The following ACOX3 variants were observed in gnomAD, a reference collection of about 807,000 sequenced individuals.
ACOX3 encodes the protein acyl-CoA oxidase 3, pristanoyl.
In ACOX3, 73 loss-of-function variants were observed where a neutral mutation model predicts 81.5. That is an observed-to-expected ratio of 0.90 (90% CI 0.74 to 1.09). ACOX3 has a LOEUF of 1.09. Among genes scored for constraint, ACOX3 ranks in the 50% least tolerant of loss-of-function variants. The pLI, the probability that ACOX3 is intolerant of heterozygous loss-of-function variation, is 0.00. For missense variants in ACOX3, 947 were observed against 928.0 expected, an observed-to-expected ratio of 1.02 and a Z score of -0.27; for synonymous variants, 387 against 375.1, an observed-to-expected ratio of 1.03 and a Z score of -0.37.
In ACOX3 at chr4:8,400,033, G is replaced by C. The variant is rs902758771; in HGVS notation, c.777-381C>G. ...AGGCCGAGGTGGGTGGATCACCTCA[G>C]GTCAGGAGTTCGAAACCAGCCTGAC... is the stretch of plus-strand genomic sequence containing the variant. On this transcript the variant is annotated intron_variant, in intron 7 of 17. Transcript: ENST00000356406. The surrounding 1 kb of genome is among the most constrained non-coding windows in gnomAD (Gnocchi z 4.4). 6.6e-6 allele frequency among the ~76,000 whole-genome samples: 1 copy of C among 152,088 alleles called. No individual in the cohort carries two copies. Among genetic ancestry groups the C allele is most frequent in the African/African-American group, 2.4e-5 (1 of 41,408 alleles).
intron 13 of ACOX3, among the ~76,000 whole-genome samples, chr4:8,383,725 C>T (rs1274539826): frequency 1.3e-5 from 2 of 152,186 alleles, no homozygotes; most frequent in Non-Finnish European, 2.9e-5. Context: ...TCACATGCTA[C>T]CCTTCAGGAC....
At position 8,439,742 on chromosome 4, in the gene ACOX3, T is replaced by G. The variant is rs370020081; in HGVS notation, c.-15+906A>C. On this transcript the variant is annotated intron_variant, in intron 1 of 17. Transcript: ENST00000356406. ...GAGAATTTAAAACCCTCACTGCAAG[T>G]GTATTACATAAAACACTATCACTCT... is the stretch of plus-strand genomic sequence containing the variant. Among the ~76,000 whole-genome samples the G allele has an allele frequency of 1.1e-4, 16 of 152,354 alleles. No homozygotes were observed. In the East Asian group the frequency reaches 2.9e-3, roughly 28 times the overall value.
At chr4:8,392,492 G>A in intron 10 of ACOX3, 39 bp from the exon 11 acceptor site, 1 of 1,488,042 alleles carries the variant, frequency 6.7e-7, no homozygotes, top group Non-Finnish European at 9.0e-7. Flanking sequence ...GGTGAAAAGA[G>A]ACTTTAGACA....
Position 8,397,105 on chromosome 4 carries a change from G to A in ACOX3, c.888C>T (p.Arg296=), listed in dbSNP as rs748468171. The change falls in exon 9 of 18, where the codon CGC becomes CGT. Residue 296 remains arginine (R), a synonymous_variant. Coordinates refer to ENST00000356406, the MANE Select transcript of ACOX3 (RefSeq NM_003501.3). ...ACAGGCTCCCCAGGGACGCTCCAAA[G>A]CGCTGCCTGACGTCCTACGGGAGGG... is the stretch of plus-strand genomic sequence containing the variant. ...YVSPFKDVRQ[R]FGASLGSLSS... is the part of the protein sequence containing the mutation. 3 of 1,560,794 alleles carry A rather than the reference G, an allele frequency of 1.9e-6. No homozygotes were observed. Among genetic ancestry groups the A allele is most frequent in the Non-Finnish European group, 1.7e-6 (2 of 1,156,820 alleles).
rs182381793 is a variant in ACOX3, at chr4:8,380,069, C to A, written c.1653+1423G>T. ...TATCACCCAAGGTGGGTAAACAAGG[C>A]GGCCTGTTCTGGAAGGGTCACTTCA... On this transcript the variant is annotated intron_variant, in intron 14 of 17. Coordinates refer to ENST00000356406, the MANE Select transcript of ACOX3 (RefSeq NM_003501.3). Among the ~76,000 whole-genome samples, 477 of 152,284 alleles carry A rather than the reference C, an allele frequency of 3.1e-3. 3 individuals carry two copies. The highest frequency in any genetic ancestry group is 2.5e-3 in the Non-Finnish European group (167 of 68,022).
chr4:8,411,183 C>G (rs978703364), intron 5 of ACOX3, among the ~76,000 whole-genome samples: 1 of 152,174 alleles, frequency 6.6e-6, no homozygotes, highest in Non-Finnish European at 1.5e-5. Context: ...GCAGACAGCC[C>G]GCAGGTGGCC....
the ACOX3 span, chr4:8,357,115 T>A: frequency 2.2e-6 from 1 of 456,302 alleles, no homozygotes; most frequent in African/African-American, 2.0e-5. Context: ...GTGAGCAGAA[T>A]GGTGCATGCT....
chr4:8,422,220 AAGAG>A lies in ACOX3; in HGVS notation c.-14-5689_-14-5686del, dbSNP rs371039384. On this transcript the variant is annotated intron_variant, in intron 1 of 17. Transcript: ENST00000356406. ...GAAGAAAGGCAGAAAGTCAAAGAGA[AAGAG>A]AGAGACAGTCAAAGAGAGAAAGAAA... Among the ~76,000 whole-genome samples the A allele has an allele frequency of 3.9e-3, 599 of 152,244 alleles. 4 individuals are homozygous for A. The highest frequency in any genetic ancestry group is 0.014 in the African/African-American group (580 of 41,540).
In ACOX3 at chr4:8,384,148, G is replaced by A. The variant is rs945407890; in HGVS notation, c.1538-2541C>T. On this transcript the variant is annotated intron_variant, in intron 13 of 17. Coordinates refer to ENST00000356406, the MANE Select transcript of ACOX3 (RefSeq NM_003501.3). The surrounding 1 kb of genome is among the most constrained non-coding windows in gnomAD (Gnocchi z 5.3). ...CCAGAATTAATCCATGAGGCTTCAC[G>A]TCGATGGCCAGTTAGACTGTGCTGT... Among the ~76,000 whole-genome samples the A allele has an allele frequency of 1.3e-5, 2 of 152,214 alleles. No homozygotes were observed. Among genetic ancestry groups the A allele is most frequent in the African/African-American group, 2.4e-5 (1 of 41,448 alleles).
rs142742725 is a variant in ACOX3, at chr4:8,368,791, C to A, written c.1984-1711G>T. Among the ~76,000 whole-genome samples, 1 of 150,862 alleles carries A rather than the reference C, an allele frequency of 6.6e-6. No homozygotes were observed. Among genetic ancestry groups the A allele is most frequent in the Admixed American group, 6.6e-5 (1 of 15,146 alleles). ...TTGGCCAGGCTGGAGTGCAGTGGCG[C>A]GATCACTGCCCACCACAGCCTCGAC... is the stretch of plus-strand genomic sequence containing the variant. On this transcript the variant is annotated intron_variant, in intron 17 of 17. Coordinates refer to ENST00000356406, the MANE Select transcript of ACOX3 (RefSeq NM_003501.3). This position sits in a 1 kb window ranked among gnomAD's most constrained non-coding sequence, Gnocchi z 5.9.
intron 3 of ACOX3, among the ~76,000 whole-genome samples, chr4:8,415,440 C>A (rs1464880130): frequency 6.7e-6 from 1 of 149,098 alleles, no homozygotes; most frequent in Admixed American, 6.7e-5. Flanking sequence ...TCATTTGTCT[C>A]TTTTTTTGTA....
intron 7 of ACOX3, among the ~76,000 whole-genome samples, chr4:8,402,315 G>A (rs1720456991): frequency 6.6e-6 from 1 of 152,206 alleles, no homozygotes; most frequent in Non-Finnish European, 1.5e-5. Context: ...CAGCGGGGGG[G>A]CCAGCTCCTC....
rs888899878 is a variant in ACOX3, at chr4:8,423,642, T to G, written c.-14-7107A>C. Among the ~76,000 whole-genome samples, 2 of 152,192 alleles carry G rather than the reference T, an allele frequency of 1.3e-5. No individual in the cohort carries two copies. The highest frequency in any genetic ancestry group is 2.9e-5 in the Non-Finnish European group (2 of 68,040). On this transcript the variant is annotated intron_variant, in intron 1 of 17. Coordinates refer to ENST00000356406, the MANE Select transcript of ACOX3 (RefSeq NM_003501.3). The surrounding 1 kb of genome is among the most constrained non-coding windows in gnomAD (Gnocchi z 4.2). ...GGATTATCAATGAGGCTGTTGTTCCTCTATACCCAGCTGTACCTAATCTTA... is the reference window on the plus strand; with the variant it reads ...GGATTATCAATGAGGCTGTTGTTCCGCTATACCCAGCTGTACCTAATCTTA...
At chr4:8,379,833 T>G (rs1717413287) in intron 14 of ACOX3, among the ~76,000 whole-genome samples, 1 of 152,242 alleles carries the variant, frequency 6.6e-6, no homozygotes, top group South Asian at 2.1e-4. Context: ...TTGCCCGTGC[T>G]GGAGTGCAGT....
intron 1 of ACOX3, among the ~76,000 whole-genome samples, chr4:8,426,692 C>T (rs1723522480): frequency 6.6e-6 from 1 of 152,132 alleles, no homozygotes; most frequent in Non-Finnish European, 1.5e-5. Context: ...TCACCATCCA[C>T]ACCCATATGC....
At chr4:8,396,890 G>A (rs1578918723) in intron 9 of ACOX3, 47 bp downstream of exon 9, 1 of 1,575,284 alleles carries the variant, frequency 6.3e-7, no homozygotes. Flanking sequence ...AAGTGAATTT[G>A]CATATAAAAT....
chr4:8,425,412 AC>A, intron 1 of ACOX3, among the ~76,000 whole-genome samples: 1 of 152,186 alleles, frequency 6.6e-6, no homozygotes, highest in African/African-American at 2.4e-5. Flanking sequence ...AAGGAAAAAT[AC>A]TTTTGCCTGC....
chr4:8,376,643 C>A (rs968955400), intron 14 of ACOX3, among the ~76,000 whole-genome samples: 1 of 152,214 alleles, frequency 6.6e-6, no homozygotes, highest in Admixed American at 6.5e-5. Context: ...CTGGGCCCCG[C>A]ACACTCCTGG....
At chr4:8,439,672 G>C (rs898414749) in intron 1 of ACOX3, among the ~76,000 whole-genome samples, 2 of 152,212 alleles carry the variant, frequency 1.3e-5, no homozygotes, top group African/African-American at 4.8e-5. Flanking sequence ...GTTTAACACA[G>C]GTTTGATCCT....
Sources: gnomAD v4.1 joint callset for allele counts (sites outside exome capture counted in the v4.1 genomes callset) on GRCh38, gnomAD v4.1.1 for gene constraint, Gnocchi (gnomAD v3.1) non-coding constraint, MANE v1.5 for transcripts, NCBI Gene and HGNC (gene_info 2026-07-23, HGNC 2026-07-21) for gene names.